Variants in HYCC1 observed in about 807,000 individuals in gnomAD.
HYCC1 encodes hyccin PI4KA lipid kinase complex subunit 1.
the HYCC1 span, among the ~76,000 whole-genome samples, chr7:23,010,052 A>G: frequency 6.6e-6 from 1 of 152,132 alleles, no homozygotes; most frequent in African/African-American, 2.4e-5. Context: ...CCATTTAAGG[A>G]ATTGTTCTGA....
At chr7:22,918,553 T>C in the HYCC1 span, among the ~76,000 whole-genome samples, 1 of 152,140 alleles carries the variant, frequency 6.6e-6, no homozygotes, top group Non-Finnish European at 1.5e-5. Flanking sequence ...AAGACAGGAA[T>C]GTCAGGCCTC....
chr7:22,903,246 G>A, the HYCC1 span, among the ~76,000 whole-genome samples: 1 of 151,958 alleles, frequency 6.6e-6, no homozygotes, highest in African/African-American at 2.4e-5. Flanking sequence ...ATGAAAACAT[G>A]CAAGCATACA....
At chr7:22,983,597 G>C in the HYCC1 span, among the ~76,000 whole-genome samples, 1 of 152,134 alleles carries the variant, frequency 6.6e-6, no homozygotes, top group African/African-American at 2.4e-5. Context: ...CCTCTTTCAG[G>C]ATAAAAACCA....
At chr7:22,969,247 T>G in the HYCC1 span, among the ~76,000 whole-genome samples, 8 of 149,164 alleles carry the variant, frequency 5.4e-5, no homozygotes, top group African/African-American at 2.0e-4. Flanking sequence ...CAATCTCTGC[T>G]CACTGCACCC....
the HYCC1 span, among the ~76,000 whole-genome samples, chr7:22,915,785 C>T: frequency 6.6e-6 from 1 of 152,296 alleles, no homozygotes; most frequent in African/African-American, 2.4e-5. Flanking sequence ...CCTCTTAAAA[C>T]TCCCCAACTC....
the HYCC1 span, among the ~76,000 whole-genome samples, chr7:22,913,975 A>G: frequency 6.6e-6 from 1 of 152,192 alleles, no homozygotes; most frequent in Non-Finnish European, 1.5e-5. Context: ...CAAATTGGGT[A>G]AGCAGTCTTT....
At chr7:22,915,342 A>G in the HYCC1 span, among the ~76,000 whole-genome samples, 2 of 152,256 alleles carry the variant, frequency 1.3e-5, no homozygotes, top group African/African-American at 4.8e-5. Context: ...CGCCTAAGCC[A>G]TAGCGGTCAG....
the HYCC1 span, among the ~76,000 whole-genome samples, chr7:22,985,905 T>G: frequency 6.7e-6 from 1 of 150,018 alleles, no homozygotes; most frequent in Non-Finnish European, 1.5e-5. Flanking sequence ...CATAGTTACA[T>G]GTATACATGT....
chr7:22,950,807 A>C, the HYCC1 span, among the ~76,000 whole-genome samples: 2 of 152,006 alleles, frequency 1.3e-5, no homozygotes, highest in Admixed American at 1.3e-4. Context: ...GCTGTAAGGG[A>C]ATATAAATGC....
the HYCC1 span, among the ~76,000 whole-genome samples, chr7:23,008,329 C>G: frequency 6.6e-6 from 1 of 151,872 alleles, no homozygotes; most frequent in African/African-American, 2.4e-5. Context: ...ATCAAATATA[C>G]CACTTGAAAA....
chr7:23,013,435 T>C, the HYCC1 span, among the ~76,000 whole-genome samples: 2 of 152,118 alleles, frequency 1.3e-5, no homozygotes, highest in Admixed American at 6.5e-5. Flanking sequence ...GGACGGACAG[T>C]GGCGGCCTCG....
chr7:22,925,318 C>T, the HYCC1 span, among the ~76,000 whole-genome samples: 1 of 152,180 alleles, frequency 6.6e-6, no homozygotes, highest in African/African-American at 2.4e-5. Context: ...AGCAACAGAA[C>T]AAAGCTGAGC....
the HYCC1 span, among the ~76,000 whole-genome samples, chr7:22,924,529 G>T: frequency 1.3e-5 from 2 of 152,234 alleles, no homozygotes; most frequent in Admixed American, 6.5e-5. Flanking sequence ...CACACCAGGA[G>T]ATTATATCCC....
the HYCC1 span, among the ~76,000 whole-genome samples, chr7:22,992,405 T>C: frequency 2.6e-5 from 4 of 152,222 alleles, no homozygotes; most frequent in Admixed American, 2.0e-4. Flanking sequence ...ATATATGTAC[T>C]GTATTATTGA....
At chr7:22,930,091 G>T in the HYCC1 span, among the ~76,000 whole-genome samples, 1 of 148,440 alleles carries the variant, frequency 6.7e-6, no homozygotes, top group African/African-American at 2.5e-5. Flanking sequence ...CTATCGCAAG[G>T]ACAAAAAACC....
At chr7:22,958,831 T>C in the HYCC1 span, among the ~76,000 whole-genome samples, 4 of 152,096 alleles carry the variant, frequency 2.6e-5, no homozygotes, top group Non-Finnish European at 4.4e-5. Flanking sequence ...AAATTCCCAA[T>C]ATGTCTACCT....
chr7:23,013,955 A>T, the HYCC1 span: 1 of 470,654 alleles, frequency 2.1e-6, no homozygotes, highest in Non-Finnish European at 4.4e-6. Context: ...CACCTGCAGG[A>T]CCTCGACTCG....
the HYCC1 span, among the ~76,000 whole-genome samples, chr7:22,903,791 T>C: frequency 6.6e-6 from 1 of 152,216 alleles, no homozygotes; most frequent in Non-Finnish European, 1.5e-5. Context: ...GATGTTTCCC[T>C]CTTAAAGGAA....
the HYCC1 span, among the ~76,000 whole-genome samples, chr7:22,973,672 T>C: frequency 2.6e-5 from 4 of 152,290 alleles, no homozygotes; most frequent in East Asian, 5.8e-4. Flanking sequence ...AAAACTTCCT[T>C]GGCCAAAATC....
Sources: gnomAD v4.1 joint callset for allele counts (sites outside exome capture counted in the v4.1 genomes callset) on GRCh38, gnomAD v4.1.1 for gene constraint, MANE v1.5 for transcripts, NCBI Gene and HGNC (gene_info 2026-07-23, HGNC 2026-07-21) for gene names.